CDC26: variants seen among roughly 807,000 people sequenced by gnomAD.
The protein encoded by CDC26 is anaphase-promoting complex subunit CDC26.
A neutral mutation model predicts 8.0 loss-of-function variants in CDC26; 2 were observed. The ratio of observed to expected loss-of-function variants is 0.25; its 90% CI spans 0.10 to 0.79. The LOEUF (loss-of-function observed/expected upper bound fraction) is 0.79. Ranked by LOEUF, CDC26 falls within the 30% of genes least tolerant of loss-of-function variation. The pLI is 0.70. For missense variants in CDC26, 68 were observed against 106.0 expected (o/e 0.64, Z 1.57); for synonymous variants, 19 against 34.9 (o/e 0.55, Z 1.60).
chr9:113,270,455 G>T (rs1365096753), intron 3 of CDC26, among the ~76,000 whole-genome samples: 1 of 151,850 alleles, frequency 6.6e-6, no homozygotes, highest in African/African-American at 2.4e-5. Flanking sequence ...TGCAATCAAC[G>T]TCCCTAATGT....
At position 113,267,454 on chromosome 9, in the gene CDC26, G is replaced by C. The variant is rs1831881569; in HGVS notation, c.82-15C>G. The C allele has an allele frequency of 6.3e-7, 1 of 1,593,968 alleles. No individual in the cohort carries two copies. Among genetic ancestry groups the C allele is most frequent in the Admixed American group, 1.8e-5 (1 of 55,060 alleles). Reference sequence around the variant, plus strand: ...TTCTTACGGGTCTGAAAGTATAAAAGTTTTAGGATTAAGGCAACATTCTTT... The same window carrying C: ...TTCTTACGGGTCTGAAAGTATAAAACTTTTAGGATTAAGGCAACATTCTTT... On this transcript the variant is annotated splice_polypyrimidine_tract_variant and intron_variant, in intron 3 of 3. Coordinates refer to ENST00000374206, the MANE Select transcript of CDC26 (RefSeq NM_139286.4).
chr9:113,270,913 T>G (rs915767274), intron 3 of CDC26, among the ~76,000 whole-genome samples: 11 of 152,196 alleles, frequency 7.2e-5, no homozygotes, highest in African/African-American at 2.4e-4. Context: ...CTGAAGATCA[T>G]TCTTGATACT....
At chr9:113,274,971 CAG>C (rs1296776798) in intron 1 of CDC26, among the ~76,000 whole-genome samples, 25 of 152,158 alleles carry the variant, frequency 1.6e-4, no homozygotes, top group Non-Finnish European at 2.9e-4. Context: ...GAGAGACGTA[CAG>C]AGTTACCTGA....
rs750747728 is a variant in CDC26, at chr9:113,267,246, T to G, written c.*17A>C. The G allele has an allele frequency of 1.4e-6, 2 of 1,433,536 alleles. No individual in the cohort carries two copies. Among genetic ancestry groups the G allele is most frequent in the Admixed American group, 4.6e-5 (2 of 43,784 alleles). The allele number at this position is 1,433,536 out of a possible 1,614,324, so 88.8% of individuals were successfully genotyped here. A position where few individuals can be genotyped will look rare whatever the true frequency, so the allele number is the denominator to read the frequency against. ...TTTATTCCATTCCAGCGCTCTGGCATGCAAGATAATCCATCTCTAAAATTC... is the reference window on the plus strand; with the variant it reads ...TTTATTCCATTCCAGCGCTCTGGCAGGCAAGATAATCCATCTCTAAAATTC... On this transcript the variant is annotated 3_prime_UTR_variant, in exon 4 of 4. Coordinates refer to ENST00000374206, the MANE Select transcript of CDC26 (RefSeq NM_139286.4).
chr9:113,272,397 T>C, intron 3 of CDC26, 30 bp downstream of exon 3: 1 of 1,540,814 alleles, frequency 6.5e-7, no homozygotes, highest in Non-Finnish European at 9.0e-7. Context: ...CGAGACTCCA[T>C]CTCAAAAAAA....
chr9:113,274,335 A>G (rs909868725), intron 1 of CDC26, among the ~76,000 whole-genome samples: 4 of 152,242 alleles, frequency 2.6e-5, no homozygotes, highest in Non-Finnish European at 5.9e-5. Context: ...TGAAGTATAC[A>G]AAGGAAGAAA....
At position 113,267,430 on chromosome 9, in the gene CDC26, T is replaced by C. The variant is rs182199537; in HGVS notation, c.91A>G (p.Lys31Glu). Reference protein sequence around the residue: ...NIRKDLETRKKQKEDVEVVGG... With the variant: ...NIRKDLETRKEQKEDVEVVGG... ...ACAACTTCCACATCTTCCTTCTGTT[T>C]CTTACGGGTCTGAAAGTATAAAAGT... The change falls in exon 4 of 4, where the codon AAA (lysine) becomes GAA (glutamate). Residue 31 changes from lysine (K) to glutamate (E), a missense_variant. Coordinates refer to ENST00000374206, the MANE Select transcript of CDC26 (RefSeq NM_139286.4). The C allele has an allele frequency of 3.5e-4, 561 of 1,599,462 alleles. No homozygotes were observed. The highest frequency in any genetic ancestry group is 4.4e-4 in the Non-Finnish European group (522 of 1,175,536).
intron 1 of CDC26, among the ~76,000 whole-genome samples, chr9:113,274,063 G>A (rs1832010681): frequency 1.3e-5 from 2 of 152,118 alleles, no homozygotes; most frequent in Admixed American, 1.3e-4. Context: ...TCATTCTTGA[G>A]CACCGTGCTG....
chr9:113,270,217 A>C (rs1831932105), intron 3 of CDC26, among the ~76,000 whole-genome samples: 1 of 152,206 alleles, frequency 6.6e-6, no homozygotes, highest in East Asian at 1.9e-4. Flanking sequence ...ACTGAGATTA[A>C]AGATAACCCA....
intron 3 of CDC26, among the ~76,000 whole-genome samples, chr9:113,270,328 G>A (rs1034625512): frequency 6.6e-6 from 1 of 152,296 alleles, no homozygotes; most frequent in East Asian, 1.9e-4. Context: ...AAGAATTTAA[G>A]TCTTATTAAT....
chr9:113,270,174 G>A (rs1294844679), intron 3 of CDC26, among the ~76,000 whole-genome samples: 8 of 152,158 alleles, frequency 5.3e-5, no homozygotes, highest in Non-Finnish European at 1.2e-4. Context: ...AAAAGAAAGG[G>A]CTTTTCTGGC....
chr9:113,268,989 G>C (rs1376879952), intron 3 of CDC26, among the ~76,000 whole-genome samples: 1 of 152,086 alleles, frequency 6.6e-6, no homozygotes, highest in African/African-American at 2.4e-5. Flanking sequence ...TCTTGACCTC[G>C]TGATCCGCCT....
At chr9:113,267,569 T>TTGCGCCACTGCAGTCCGCAGTCCGA in intron 3 of CDC26, 130 bp from the exon 4 acceptor site, 3 of 1,244,392 alleles carry the variant, frequency 2.4e-6, no homozygotes, top group South Asian at 1.5e-5. Flanking sequence ...TAAACTGAAA[T>TTGCGCCACTGCAGTCCGCAGTCCGA]CCTAGGTTTG....
At chr9:113,272,681 C>T in intron 2 of CDC26, 133 bp from the exon 3 acceptor site, 1 of 478,430 alleles carries the variant, frequency 2.1e-6, no homozygotes. Context: ...TACACATAGA[C>T]TTCTAAAGTC....
intron 3 of CDC26, among the ~76,000 whole-genome samples, chr9:113,268,628 G>A (rs1442967344): frequency 1.3e-5 from 2 of 152,244 alleles, no homozygotes; most frequent in Non-Finnish European, 2.9e-5. Flanking sequence ...TAAATGCCAA[G>A]CATCAGGCTG....
chr9:113,271,146 G>C (rs534894443), intron 3 of CDC26, among the ~76,000 whole-genome samples: 110 of 152,294 alleles, frequency 7.2e-4, no homozygotes, highest in South Asian at 1.5e-3. Flanking sequence ...ATGACTGCTA[G>C]GTTTCTGGCC....
intron 3 of CDC26, among the ~76,000 whole-genome samples, chr9:113,271,543 C>A (rs1393348269): frequency 6.6e-6 from 1 of 152,162 alleles, no homozygotes; most frequent in Admixed American, 6.5e-5. Flanking sequence ...CCAGCAGCCA[C>A]CAGAAGCTAG....
chr9:113,275,364 G>T lies in CDC26; in HGVS notation c.-152+18C>A, dbSNP rs1832049073. 1.0e-5 allele frequency: 2 copies of T among 196,534 alleles called. No individual in the cohort carries two copies. Among genetic ancestry groups the T allele is most frequent in the Admixed American group, 1.2e-4 (2 of 16,340 alleles). The allele number at this position is 196,534 out of a possible 1,614,324, so 12.2% of individuals were successfully genotyped here. ...GCTCCAGAGTTCAGCCCCGAGCCGC[G>T]CGAGTCGACTCACCTACCTCTTTTC... On this transcript the variant is annotated intron_variant, in intron 1 of 3. Coordinates refer to ENST00000374206, the MANE Select transcript of CDC26 (RefSeq NM_139286.4).
chr9:113,275,016 G>A (rs1033544027), intron 1 of CDC26, among the ~76,000 whole-genome samples: 1 of 152,082 alleles, frequency 6.6e-6, no homozygotes, highest in Admixed American at 6.5e-5. Context: ...CTCTCAATCT[G>A]ATACAAAGAC....
Sources: gnomAD v4.1 joint callset for allele counts (sites outside exome capture counted in the v4.1 genomes callset) on GRCh38, gnomAD v4.1.1 for gene constraint, MANE v1.5 for transcripts, NCBI Gene and HGNC (gene_info 2026-07-23, HGNC 2026-07-21) for gene names.